Variants in SLC19A3 observed in about 807,000 individuals in gnomAD.
SLC19A3 encodes the protein thiamine transporter 2.
In SLC19A3, 31 loss-of-function variants were observed where a neutral mutation model predicts 40.2. The observed-to-expected ratio is 0.77, with a 90% CI of 0.58 to 1.04. The LOEUF is 1.04. Ranked by LOEUF, SLC19A3 falls within the 50% of genes least tolerant of loss-of-function variation. SLC19A3 has a pLI of 0.00. For missense variants in SLC19A3, 592 were observed against 596.7 expected, an observed-to-expected ratio of 0.99 and a Z score of 0.08; for synonymous variants, 212 against 227.5, an observed-to-expected ratio of 0.93 and a Z score of 0.61.
chr2:227,712,606 A>G (rs1696180586), intron 1 of SLC19A3, among the ~76,000 whole-genome samples: 1 of 152,210 alleles, frequency 6.6e-6, no homozygotes, highest in African/African-American at 2.4e-5. Flanking sequence ...AACCCTTTGG[A>G]AAATCATTTG....
At chr2:227,707,438 C>T (rs910905352) in intron 1 of SLC19A3, among the ~76,000 whole-genome samples, 3 of 151,878 alleles carry the variant, frequency 2.0e-5, no homozygotes, top group Non-Finnish European at 4.4e-5. Flanking sequence ...ACAAAGTTAG[C>T]CAGGCATGGT....
At chr2:227,708,665 A>G (rs2106339513) in intron 1 of SLC19A3, among the ~76,000 whole-genome samples, 1 of 152,362 alleles carries the variant, frequency 6.6e-6, no homozygotes, top group Non-Finnish European at 1.5e-5. Context: ...TGCTTTCACA[A>G]TAATTATAAG....
Position 227,687,227 on chromosome 2 carries a change from A to G in SLC19A3, c.*170T>C. On this transcript the variant is annotated 3_prime_UTR_variant, in exon 6 of 6. Transcript: ENST00000644224. ...TCAATTGCATCCAGTAAAATTGGTC[A>G]CATAGAGAACTCATCTAAAACTGAG... 1.6e-6 allele frequency: 1 copy of G among 621,026 alleles called. No homozygotes were observed. 38.5% of individuals were successfully genotyped at this position (621,026 alleles called of 1,614,324 possible).
At chr2:227,692,276 C>A (rs1177479738) in intron 4 of SLC19A3, among the ~76,000 whole-genome samples, 1 of 152,140 alleles carries the variant, frequency 6.6e-6, no homozygotes, top group Non-Finnish European at 1.5e-5. Flanking sequence ...AGGCCAATCT[C>A]TGATGAATAT....
At chr2:227,711,352 G>A (rs1026635529) in intron 1 of SLC19A3, among the ~76,000 whole-genome samples, 1 of 151,842 alleles carries the variant, frequency 6.6e-6, no homozygotes, top group Non-Finnish European at 1.5e-5. Flanking sequence ...CCCAGGAGGT[G>A]GAGGCTGCAG....
intron 1 of SLC19A3, chr2:227,714,704 A>G (rs1480799599): frequency 2.2e-5 from 1 of 45,482 alleles, no homozygotes; most frequent in Non-Finnish European, 5.1e-5. Context: ...AATCCCATCC[A>G]AAAAAAAAAA....
At chr2:227,707,619 A>T (rs1190665881) in intron 1 of SLC19A3, among the ~76,000 whole-genome samples, 1 of 147,354 alleles carries the variant, frequency 6.8e-6, no homozygotes, top group Non-Finnish European at 1.5e-5. Context: ...AATAAAAAAA[A>T]ACAAATTTAA....
rs1695010365 is a variant in SLC19A3, at chr2:227,686,222, G to A, written c.*1175C>T. The A allele has an allele frequency of 2.5e-6, 1 of 396,824 alleles. No individual in the cohort carries two copies. Among genetic ancestry groups the A allele is most frequent in the Non-Finnish European group, 5.1e-6 (1 of 197,650 alleles). 24.6% of individuals were successfully genotyped at this position (396,824 alleles called of 1,614,324 possible). A position where few individuals can be genotyped will look rare whatever the true frequency, so the allele number is the denominator to read the frequency against. On this transcript the variant is annotated 3_prime_UTR_variant, in exon 6 of 6. Transcript: ENST00000644224. ...AAACCAAAACAAAACAAAATCAGGT[G>A]TTTTATTCCACTCCCCCCATCAGTG...
At chr2:227,705,877 GA>G (rs1050313673) in intron 1 of SLC19A3, among the ~76,000 whole-genome samples, 171 of 152,156 alleles carry the variant, frequency 1.1e-3, no homozygotes, top group Non-Finnish European at 7.6e-4. Context: ...AAAAGTTGAT[GA>G]AAAAACAAAC....
At chr2:227,710,648 C>A (rs1419841254) in intron 1 of SLC19A3, among the ~76,000 whole-genome samples, 1 of 152,012 alleles carries the variant, frequency 6.6e-6, no homozygotes, top group Admixed American at 6.6e-5. Context: ...TCAGCTCCTT[C>A]CCCCCCAGTT....
intron 1 of SLC19A3, among the ~76,000 whole-genome samples, chr2:227,707,458 C>A (rs1695988694): frequency 6.6e-6 from 1 of 151,940 alleles, no homozygotes; most frequent in Non-Finnish European, 1.5e-5. Flanking sequence ...TGATGCGCAC[C>A]TGTAATCCCA....
At position 227,699,445 on chromosome 2, in the gene SLC19A3, G is replaced by A; in HGVS notation, c.270C>T (p.Phe90=). 1 of 1,614,160 alleles carries A rather than the reference G, an allele frequency of 6.2e-7. No homozygotes were observed. Among genetic ancestry groups the A allele is most frequent in the Non-Finnish European group, 8.5e-7 (1 of 1,180,048 alleles). Reference sequence around the variant, plus strand: ...ACAACAGCAGCAGCCAGGTAATGATGAAACTGATACCTTGCAAGATGATGA... The same window carrying A: ...ACAACAGCAGCAGCCAGGTAATGATAAAACTGATACCTTGCAAGATGATGA... ...KPVIILQGIS[F]IITWLLLLFG... Residue 90 remains phenylalanine (F), a synonymous_variant, in exon 3 of 6, where the codon TTC becomes TTT. Coordinates refer to ENST00000644224, the MANE Select transcript of SLC19A3 (RefSeq NM_025243.4).
intron 2 of SLC19A3, 127 bp from the exon 3 acceptor site, chr2:227,699,691 T>C: frequency 2.4e-6 from 2 of 848,684 alleles, no homozygotes; most frequent in Non-Finnish European, 3.9e-6. Flanking sequence ...ATGAGAAAAC[T>C]GATTTTCAAG....
chr2:227,709,846 A>G (rs1696079268), intron 1 of SLC19A3, among the ~76,000 whole-genome samples: 1 of 152,156 alleles, frequency 6.6e-6, no homozygotes, highest in Non-Finnish European at 1.5e-5. Flanking sequence ...GATGCCAGTA[A>G]TTTGGAAGGA....
chr2:227,708,957 G>T (rs1696046825), intron 1 of SLC19A3, among the ~76,000 whole-genome samples: 1 of 152,056 alleles, frequency 6.6e-6, no homozygotes. Context: ...TTCCATAGTT[G>T]TGCACACAAC....
chr2:227,712,050 C>CG (rs1373135657), intron 1 of SLC19A3, among the ~76,000 whole-genome samples: 1 of 65,464 alleles, frequency 1.5e-5, no homozygotes, highest in Non-Finnish European at 2.6e-5. Context: ...ACTCTGTCTC[C>CG]AAAAAAAAAA....
In SLC19A3 at chr2:227,707,044, C is replaced by A. The variant is rs189829506; in HGVS notation, c.-2-4724G>T. On this transcript the variant is annotated intron_variant, in intron 1 of 5. Transcript: ENST00000644224. ...TGGCCTTTGCTCCACTCCAGAGCTACAGTGACCCTGGGCGGGTCTCCCTGC... is the reference window on the plus strand; with the variant it reads ...TGGCCTTTGCTCCACTCCAGAGCTAAAGTGACCCTGGGCGGGTCTCCCTGC... Among the ~76,000 whole-genome samples the A allele has an allele frequency of 1.5e-3, 233 of 152,296 alleles. 1 individual carries two copies. Among genetic ancestry groups the A allele is most frequent in the African/African-American group, 5.4e-3 (223 of 41,564 alleles).
Position 227,688,285 on chromosome 2 carries a change from T to G in SLC19A3, c.1195A>C (p.Asn399His). 2 of 1,614,028 alleles carry G rather than the reference T, an allele frequency of 1.2e-6. No homozygotes were observed. The highest frequency in any genetic ancestry group is 1.7e-6 in the Non-Finnish European group (2 of 1,179,920). The change falls in exon 5 of 6, where the codon AAT becomes CAT. Residue 399 changes from asparagine to histidine, a missense_variant. Asn to His is a moderately conservative substitution (Grantham distance 68). Transcript: ENST00000644224. ...AATACCAAGGCATAGCGTTCCACAT[T>G]CAGATTAACTGCAATCTGAAATCTA... is the stretch of plus-strand genomic sequence containing the variant. ...IAVFQIAVNLNVERYALVFGI... is the reference protein window; with the variant it reads ...IAVFQIAVNLHVERYALVFGI...
At chr2:227,717,820 C>A (rs1696382704) in intron 1 of SLC19A3, 123 bp downstream of exon 1, 2 of 763,978 alleles carry the variant, frequency 2.6e-6, no homozygotes, top group Non-Finnish European at 3.2e-6. Flanking sequence ...AGAGTGTAGC[C>A]CAGGCCCGCA....
Sources: gnomAD v4.1 joint callset for allele counts (sites outside exome capture counted in the v4.1 genomes callset) on GRCh38, gnomAD v4.1.1 for gene constraint, MANE v1.5 for transcripts, NCBI Gene and HGNC (gene_info 2026-07-23, HGNC 2026-07-21) for gene names.